TAOK2: variants seen among roughly 807,000 people sequenced by gnomAD.
TAOK2 encodes TAO kinase 2.
In TAOK2, 42 loss-of-function variants were observed where a neutral mutation model predicts 122.5. That is an observed-to-expected ratio of 0.34 (90% CI 0.27 to 0.44). TAOK2 has a LOEUF of 0.44. TAOK2 is among the 20% of genes least tolerant of loss of function. The pLI is 1.00. For synonymous variants in TAOK2, 704 were observed against 677.6 expected, an observed-to-expected ratio of 1.04 and a Z score of -0.61; for missense variants, 1,264 against 1,644.9, an observed-to-expected ratio of 0.77 and a Z score of 4.01.
rs1443244273 is a variant in TAOK2, at chr16:29,978,971, C to T, written c.353-3C>T. ...CGGGTTGATGTTCTTCCTCACTCTCCAGTGCACAAGAAACCCCTTCAGGAG... is the reference window on the plus strand; with the variant it reads ...CGGGTTGATGTTCTTCCTCACTCTCTAGTGCACAAGAAACCCCTTCAGGAG... On this transcript the variant is annotated splice_region_variant and splice_polypyrimidine_tract_variant and intron_variant, in intron 5 of 15. Transcript: ENST00000308893. 4 of 1,614,060 alleles carry T rather than the reference C, an allele frequency of 2.5e-6. No individual in the cohort carries two copies. The highest frequency in any genetic ancestry group is 1.3e-5 in the African/African-American group (1 of 74,918).
chr16:29,985,218 C>T lies in TAOK2; in HGVS notation c.1428C>T (p.Ser476=), dbSNP rs1288326724. The T allele has an allele frequency of 6.7e-7, 1 of 1,498,852 alleles. No homozygotes were observed. The highest frequency in any genetic ancestry group is 1.4e-5 in the African/African-American group (1 of 71,372). The allele number at this position is 1,498,852 out of a possible 1,614,324, so 92.8% of individuals were successfully genotyped here. Residue 476 remains serine, a synonymous_variant, in exon 14 of 16, where the codon AGC becomes AGT. Transcript: ENST00000308893. This position sits in a 1 kb window ranked among gnomAD's most constrained non-coding sequence, Gnocchi z 6.9. The part of the protein sequence containing the change: ...FATIRTASLV[S]RQIQEHEQDS... ...CACCCTCTCTCCTTCCCCAGGTCAG[C>T]CGTCAGATCCAGGAGCATGAGCAGG...
downstream of TAOK2, chr16:29,990,966 G>A (rs772508442): frequency 1.9e-6 from 3 of 1,610,438 alleles, no homozygotes; most frequent in African/African-American, 4.0e-5. Flanking sequence ...TGGAGCAGCG[G>A]GTAAGGGGCC....
At chr16:29,991,841 G>C, downstream of TAOK2, 2 of 386,236 alleles carry the variant, frequency 5.2e-6, no homozygotes, top group Non-Finnish European at 4.6e-6. This position sits in a 1 kb window ranked among gnomAD's most constrained non-coding sequence, Gnocchi z 5.6. Flanking sequence ...GGAGATGTGC[G>C]TGTCAAATAT....
downstream of TAOK2, chr16:29,991,465 G>A (rs895510281): frequency 3.3e-6 from 5 of 1,498,252 alleles, no homozygotes; most frequent in Non-Finnish European, 4.5e-6. The surrounding 1 kb of genome is among the most constrained non-coding windows in gnomAD (Gnocchi z 5.6). Flanking sequence ...GGCAGTGGCA[G>A]TGAGAATGTG....
chr16:29,987,833 G>A lies in TAOK2; in HGVS notation c.3561G>A (p.Arg1187=), dbSNP rs756092424. Residue 1187 remains arginine, a synonymous_variant, in exon 16 of 16, where the codon CGG becomes CGA. Coordinates refer to ENST00000308893, the MANE Select transcript of TAOK2 (RefSeq NM_016151.4). ...CACTGGCCAGCTGGGGCCTGCTTCG[G>A]GGTGAACGGCCCACCCGAATCCCCC... ...IHTLASWGLL[R]GERPTRIPRL... 1.2e-6 allele frequency: 2 copies of A among 1,612,564 alleles called. No individual in the cohort carries two copies. Among genetic ancestry groups the A allele is most frequent in the Admixed American group, 3.3e-5 (2 of 59,988 alleles).
intron 1 of TAOK2, among the ~76,000 whole-genome samples, chr16:29,974,927 C>T (rs956499507): frequency 2.0e-5 from 3 of 152,118 alleles, no homozygotes; most frequent in South Asian, 2.1e-4. Flanking sequence ...TGGATTTGCA[C>T]TTCAGTCTTC....
In TAOK2 at chr16:29,986,605, C is replaced by T. The variant is rs547599281; in HGVS notation, c.2333C>T (p.Pro778Leu). Residue 778 changes from proline to leucine, a missense_variant, in exon 16 of 16, where the codon CCT becomes CTT. By Grantham distance (98) the Pro-to-Leu change is moderately conservative. Coordinates refer to ENST00000308893, the MANE Select transcript of TAOK2 (RefSeq NM_016151.4). The surrounding 1 kb of genome is among the most constrained non-coding windows in gnomAD (Gnocchi z 4.2). ...GTPIEQQPCS[P>L]GQEAVLDQRM... The stretch of plus-strand genomic sequence containing the variant: ...CCTATAGAACAGCAGCCCTGCTCAC[C>T]TGGCCAGGAGGCAGTCCTGGACCAA... 2 of 1,613,198 alleles carry T rather than the reference C, an allele frequency of 1.2e-6. No homozygotes were observed. The highest frequency in any genetic ancestry group is 1.1e-5 in the South Asian group (1 of 90,936).
In TAOK2 at chr16:29,987,949, G is replaced by C. The variant is rs199646401; in HGVS notation, c.3677G>C (p.Arg1226Pro). 6 of 1,547,616 alleles carry C rather than the reference G, an allele frequency of 3.9e-6. No homozygotes were observed. The highest frequency in any genetic ancestry group is 4.3e-6 in the Non-Finnish European group (5 of 1,151,828). Residue 1226 changes from arginine (R) to proline (P), a missense_variant, in exon 16 of 16, where the codon CGC becomes CCC. Physicochemically the swap from Arg to Pro is moderately radical, Grantham distance 103. Coordinates refer to ENST00000308893, the MANE Select transcript of TAOK2 (RefSeq NM_016151.4). ...CTAGCCGGGCGGAGGTCACGCACCC[G>C]CCAGTCCCGGGCCCTGCCCCCCTGG... ...GTLAGRRSRT[R>P]QSRALPPWR
chr16:29,987,493 G>T lies in TAOK2; in HGVS notation c.3221G>T (p.Gly1074Val). ...AAGGRWVRQQ[G>V]PRVRRGISRL... The stretch of plus-strand genomic sequence containing the variant: ...GGGGGCAGATGGGTGCGGCAGCAGG[G>T]CCCCCGGGTGCGCCGGGGCATATCT... Residue 1074 changes from glycine to valine, a missense_variant, in exon 16 of 16, where the codon GGC (glycine) becomes GTC (valine). By Grantham distance (109) the Gly-to-Val change is moderately radical. This residue lies in a region of TAOK2 where 824 missense variants were observed against 908.7 expected (regional missense o/e 0.91). Coordinates refer to ENST00000308893, the MANE Select transcript of TAOK2 (RefSeq NM_016151.4). The T allele has an allele frequency of 9.4e-6, 15 of 1,597,112 alleles. No individual in the cohort carries two copies. Among genetic ancestry groups the T allele is most frequent in the Non-Finnish European group, 1.3e-5 (15 of 1,170,228 alleles).
downstream of TAOK2, chr16:29,990,470 T>C (rs1567254773): frequency 4.5e-6 from 1 of 223,402 alleles, no homozygotes; most frequent in African/African-American, 2.3e-5. Context: ...TCATTTTTTT[T>C]ACAGCATAGA....
rs1414787531 is a variant in TAOK2, at chr16:29,982,797, G to T, written c.895G>T (p.Asp299Tyr). The change falls in exon 11 of 16, where the codon GAT becomes TAT. Residue 299 changes from aspartate to tyrosine, a missense_variant. Asp to Tyr is a radical substitution (Grantham distance 160). Around this residue, in one of 4 missense-constraint regions of TAOK2, gnomAD observed 254 missense variants for 503.8 expected, o/e 0.50. Coordinates refer to ENST00000308893, the MANE Select transcript of TAOK2 (RefSeq NM_016151.4). ...VIMDLIQRTK[D>Y]AVRELDNLQY... The stretch of plus-strand genomic sequence containing the variant: ...CATGGACCTGATCCAGAGGACCAAG[G>T]ATGCCGTGCGGGAGCTGGACAACCT... 4 of 1,614,038 alleles carry T rather than the reference G, an allele frequency of 2.5e-6. No homozygotes were observed. The South Asian group carries it at 4.4e-5, about 18-fold the overall frequency.
rs778475906 is a variant in TAOK2, at chr16:29,986,849, G to A, written c.2577G>A (p.Arg859=). 2 of 1,614,022 alleles carry A rather than the reference G, an allele frequency of 1.2e-6. No homozygotes were observed. Among genetic ancestry groups the A allele is most frequent in the Non-Finnish European group, 1.7e-6 (2 of 1,179,926 alleles). The change falls in exon 16 of 16, where the codon AGG becomes AGA. Residue 859 remains arginine (R), a synonymous_variant. Transcript: ENST00000308893. This position sits in a 1 kb window ranked among gnomAD's most constrained non-coding sequence, Gnocchi z 4.2. The part of the protein sequence containing the change: ...LRVPSLVPQE[R]SIVGQEEAGT... Reference sequence around the variant, plus strand: ...TGCCCTCCCTTGTACCCCAGGAGAGGAGCATTGTTGGCCAGGAGGAGGCTG... The same window carrying A: ...TGCCCTCCCTTGTACCCCAGGAGAGAAGCATTGTTGGCCAGGAGGAGGCTG...
Position 29,983,495 on chromosome 16 carries a change from C to A in TAOK2, c.1261-8C>A, listed in dbSNP as rs747398237. On this transcript the variant is annotated splice_polypyrimidine_tract_variant and splice_region_variant and intron_variant, in intron 12 of 15. Coordinates refer to ENST00000308893, the MANE Select transcript of TAOK2 (RefSeq NM_016151.4). ...TGAGCCTTGGGTGTTCCTTCTATCT[C>A]CCTCTAGGGCTCTGACAACCTATAT... 6.2e-7 allele frequency: 1 copy of A among 1,601,716 alleles called. No homozygotes were observed. Among genetic ancestry groups the A allele is most frequent in the Non-Finnish European group, 8.5e-7 (1 of 1,171,230 alleles).
chr16:29,990,805 G>C, downstream of TAOK2: 1 of 1,611,296 alleles, frequency 6.2e-7, no homozygotes. Context: ...TGAGACCCAG[G>C]AGGCAGAGTT....
At chr16:29,990,948 G>A (rs1308652466), downstream of TAOK2, 1 of 1,612,362 alleles carries the variant, frequency 6.2e-7, no homozygotes, top group African/African-American at 1.3e-5. Flanking sequence ...CGCTGCGGCG[G>A]GCACTGCTGG....
downstream of TAOK2, chr16:29,991,103 G>T (rs781751885): frequency 1.3e-6 from 2 of 1,597,812 alleles, no homozygotes; most frequent in Non-Finnish European, 1.7e-6. This position sits in a 1 kb window ranked among gnomAD's most constrained non-coding sequence, Gnocchi z 5.6. Context: ...TCCGCAGTCT[G>T]CTTGAGCGGC....
At position 29,985,448 on chromosome 16, in the gene TAOK2, A is replaced by C; in HGVS notation, c.1658A>C (p.Glu553Ala). 1 of 1,611,276 alleles carries C rather than the reference A, an allele frequency of 6.2e-7. No homozygotes were observed. Residue 553 changes from glutamate to alanine, a missense_variant, in exon 14 of 16, where the codon GAG becomes GCG. Physicochemically the swap from Glu to Ala is moderately radical, Grantham distance 107 (BLOSUM62 -1). This residue lies in a region of TAOK2 where 824 missense variants were observed against 908.7 expected (regional missense o/e 0.91). Coordinates refer to ENST00000308893, the MANE Select transcript of TAOK2 (RefSeq NM_016151.4). This position sits in a 1 kb window ranked among gnomAD's most constrained non-coding sequence, Gnocchi z 6.9. ...ARRHQAIGEK[E>A]ARAAQAEERK... ...CGGCACCAGGCCATAGGTGAGAAGGAGGCACGAGCTGCCCAGGCCGAGGAG... is the reference window on the plus strand; with the variant it reads ...CGGCACCAGGCCATAGGTGAGAAGGCGGCACGAGCTGCCCAGGCCGAGGAG...
At position 29,987,347 on chromosome 16, in the gene TAOK2, A is replaced by C; in HGVS notation, c.3075A>C (p.Ala1025=). The C allele has an allele frequency of 6.4e-7, 1 of 1,568,172 alleles. No individual in the cohort carries two copies. Among genetic ancestry groups the C allele is most frequent in the African/African-American group, 1.4e-5 (1 of 73,506 alleles). The part of the protein sequence containing the change: ...SLFLLLAQGT[A]LGAVLGLSWR... ...TCCTACTCCTGGCCCAGGGTACCGC[A>C]CTGGGGGCCGTCCTGGGCCTGAGCT... The change falls in exon 16 of 16, where the codon GCA becomes GCC. Residue 1025 remains alanine, a synonymous_variant. Coordinates refer to ENST00000308893, the MANE Select transcript of TAOK2 (RefSeq NM_016151.4).
At chr16:29,983,704 TTTTTTAAGTC>T (rs777628780) in intron 13 of TAOK2, 40 bp downstream of exon 13, 3 of 1,577,456 alleles carry the variant, frequency 1.9e-6, no homozygotes, top group Middle Eastern at 1.7e-4. Flanking sequence ...TCGCTGTCTG[TTTTTTAAGTC>T]TTTTTAAGTC....
Sources: allele counts gnomAD v4.1 joint callset (sites outside exome capture counted in the v4.1 genomes callset), GRCh38; gene constraint gnomAD v4.1.1; regional missense constraint gnomAD v4.1.1; non-coding constraint Gnocchi (gnomAD v3.1); transcripts MANE v1.5; gene names NCBI Gene and HGNC (gene_info 2026-07-23, HGNC 2026-07-21).